UTS2B: variants seen among roughly 807,000 people sequenced by gnomAD.
UTS2B encodes urotensin 2B, also known as urotensin-2B.
UTS2B carries 21 observed loss-of-function variants against 19.2 expected under a neutral mutation model. The ratio of observed to expected loss-of-function variants is 1.09; its 90% CI spans 0.78 to 1.58. The LOEUF (loss-of-function observed/expected upper bound fraction) is 1.58, where lower values mean the gene tolerates loss of function less well. UTS2B is among the 40% of genes most tolerant of loss of function. The pLI is 0.00. For synonymous variants in UTS2B, 57 were observed against 50.2 expected (o/e 1.14, Z -0.58); for missense variants, 138 against 130.3 (o/e 1.06, Z -0.29).
chr3:191,345,674 T>C, the UTS2B span, among the ~76,000 whole-genome samples: 1 of 152,222 alleles, frequency 6.6e-6, no homozygotes, highest in Non-Finnish European at 1.5e-5. Flanking sequence ...CCATAACATA[T>C]CTACTTGCCA....
chr3:191,300,735 C>T (rs971106376), intron 4 of UTS2B, among the ~76,000 whole-genome samples: 1 of 152,224 alleles, frequency 6.6e-6, no homozygotes, highest in Admixed American at 6.5e-5. Context: ...CCCTTTGGGG[C>T]TGTTCTCATG....
At chr3:191,274,878 A>G (rs1479808371) in intron 8 of UTS2B, among the ~76,000 whole-genome samples, 1 of 152,266 alleles carries the variant, frequency 6.6e-6, no homozygotes, top group East Asian at 1.9e-4. Context: ...CAAGTGTTAT[A>G]GCAACGAAGT....
the UTS2B span, among the ~76,000 whole-genome samples, chr3:191,344,013 G>A: frequency 6.6e-6 from 1 of 152,326 alleles, no homozygotes; most frequent in South Asian, 2.1e-4. Flanking sequence ...GCCTGAGGAA[G>A]AAGCAGCATA....
At chr3:191,299,333 G>A (rs1328454682) in intron 4 of UTS2B, among the ~76,000 whole-genome samples, 2 of 152,242 alleles carry the variant, frequency 1.3e-5, no homozygotes, top group Non-Finnish European at 2.9e-5. Context: ...AGAGGTCTAG[G>A]ACGGAAGGAT....
Position 191,267,974 on chromosome 3 carries a change from T to A in UTS2B, c.*442A>T, listed in dbSNP as rs1715984168. ...AGACAACCGCTTAGACCAGAAATTCTCAGAAGGAAATATGCCTTAACCCTA... is the reference window on the plus strand; with the variant it reads ...AGACAACCGCTTAGACCAGAAATTCACAGAAGGAAATATGCCTTAACCCTA... On this transcript the variant is annotated 3_prime_UTR_variant, in exon 9 of 9. Coordinates refer to ENST00000340524, the MANE Select transcript of UTS2B (RefSeq NM_198152.5). 1 of 152,400 alleles carries A rather than the reference T, an allele frequency of 6.6e-6. No homozygotes were observed. Among genetic ancestry groups the A allele is most frequent in the Admixed American group, 6.5e-5 (1 of 15,292 alleles). The allele number at this position is 152,400 out of a possible 1,614,324, so 9.4% of individuals were successfully genotyped here.
At chr3:191,277,199 A>C (rs555138279) in intron 6 of UTS2B, among the ~76,000 whole-genome samples, 11 of 152,252 alleles carry the variant, frequency 7.2e-5, no homozygotes, top group African/African-American at 2.6e-4. Flanking sequence ...GAAGCAAGCC[A>C]TGTATTCTAT....
At chr3:191,339,940 A>T in the UTS2B span, among the ~76,000 whole-genome samples, 1 of 152,216 alleles carries the variant, frequency 6.6e-6, no homozygotes, top group Non-Finnish European at 1.5e-5. Flanking sequence ...AAATAGTGAA[A>T]TCAGCAGCAG....
chr3:191,278,793 C>A (rs1445478001), intron 5 of UTS2B, among the ~76,000 whole-genome samples: 1 of 151,842 alleles, frequency 6.6e-6, no homozygotes, highest in African/African-American at 2.4e-5. Context: ...GAAATTGAGA[C>A]AAGAGACTTC....
At chr3:191,327,043 A>G (rs1223839285) in intron 2 of UTS2B, among the ~76,000 whole-genome samples, 3 of 152,226 alleles carry the variant, frequency 2.0e-5, no homozygotes, top group African/African-American at 7.2e-5. Flanking sequence ...TTTTATGCAT[A>G]TCTTACTGTA....
intron 5 of UTS2B, among the ~76,000 whole-genome samples, chr3:191,278,589 C>A (rs578024377): frequency 2.0e-5 from 3 of 151,914 alleles, no homozygotes; most frequent in Non-Finnish European, 4.4e-5. Context: ...CATTTATATA[C>A]ACATTTATAT....
chr3:191,312,151 CAAA>C (rs1217233342), intron 3 of UTS2B, among the ~76,000 whole-genome samples: 209 of 77,138 alleles, frequency 2.7e-3, no homozygotes, highest in African/African-American at 9.4e-3. Flanking sequence ...GATTCTGTCT[CAAA>C]AAAAAAAAAA....
chr3:191,275,254 C>T lies in UTS2B; in HGVS notation c.332G>A (p.Arg111Gln), dbSNP rs150179146. 1,909 of 1,599,792 alleles carry T rather than the reference C, an allele frequency of 1.2e-3. 26 individuals are homozygous for T. The African/African-American group carries it at 0.023, about 19-fold the overall frequency. The change falls in exon 8 of 9, where the codon CGA becomes CAA. Residue 111 changes from arginine to glutamine, a missense_variant and splice_region_variant. Physicochemically the swap from Arg to Gln is conservative, Grantham distance 43. Transcript: ENST00000340524. ...AAAACCTTGAAATGAAAGCTTACCTCGTTTGCTAGGATGAGAAGAGAATAG... is the reference window on the plus strand; with the variant it reads ...AAAACCTTGAAATGAAAGCTTACCTTGTTTGCTAGGATGAGAAGAGAATAG... ...DGLFSSHPSK[R>Q]ACFWKYCV
chr3:191,312,933 A>G (rs1560145196), intron 3 of UTS2B, among the ~76,000 whole-genome samples: 1 of 152,142 alleles, frequency 6.6e-6, no homozygotes, highest in Non-Finnish European at 1.5e-5. Flanking sequence ...ATACAAGGTG[A>G]TATTTTCTTT....
In UTS2B at chr3:191,273,574, A is replaced by G. The variant is rs915626336; in HGVS notation, c.334+1678T>C. The G allele has an allele frequency of 6.4e-5, 29 of 456,638 alleles. No homozygotes were observed. In the Admixed American group the frequency reaches 6.8e-4, roughly 11 times the overall value. The allele number at this position is 456,638 out of a possible 1,614,324, so 28.3% of individuals were successfully genotyped here. On this transcript the variant is annotated intron_variant, in intron 8 of 8. Coordinates refer to ENST00000340524, the MANE Select transcript of UTS2B (RefSeq NM_198152.5). ...GTTCTGGATGATAGGGCTACAGAAT[A>G]GAGTGGTGCTGTGCTGTGCTGCAAG...
intron 4 of UTS2B, among the ~76,000 whole-genome samples, chr3:191,301,344 T>C (rs1716993344): frequency 6.6e-6 from 1 of 152,204 alleles, no homozygotes. Context: ...CTACCTTGTC[T>C]TCCACAAGTT....
intron 2 of UTS2B, among the ~76,000 whole-genome samples, chr3:191,324,920 C>T (rs1490509976): frequency 6.6e-6 from 1 of 152,068 alleles, no homozygotes; most frequent in Non-Finnish European, 1.5e-5. Flanking sequence ...CGTGGTGGTA[C>T]ACTCTTGTAA....
At chr3:191,315,066 C>A (rs1717410672) in intron 3 of UTS2B, among the ~76,000 whole-genome samples, 1 of 150,040 alleles carries the variant, frequency 6.7e-6, no homozygotes, top group South Asian at 2.1e-4. Flanking sequence ...GGCTGGAGTG[C>A]AATGGCACAA....
intron 3 of UTS2B, among the ~76,000 whole-genome samples, chr3:191,308,613 C>G (rs184242526): frequency 4.0e-4 from 61 of 152,244 alleles, no homozygotes; most frequent in African/African-American, 1.3e-3. Context: ...TTCCCCTGGC[C>G]TCTATCCATT....
the UTS2B span, among the ~76,000 whole-genome samples, chr3:191,341,126 T>C: frequency 6.6e-6 from 1 of 152,190 alleles, no homozygotes; most frequent in Admixed American, 6.5e-5. Context: ...AAGTACTCAC[T>C]GTAAATTGCA....
Sources: allele counts gnomAD v4.1 joint callset (sites outside exome capture counted in the v4.1 genomes callset), GRCh38; gene constraint gnomAD v4.1.1; transcripts MANE v1.5; gene names NCBI Gene and HGNC (gene_info 2026-07-23, HGNC 2026-07-21).